The following AEBP2 variants were observed in gnomAD, a reference collection of about 807,000 sequenced individuals.
AEBP2 encodes the protein zinc finger protein AEBP2.
In AEBP2, 10 loss-of-function variants were observed where a neutral mutation model predicts 50.8. That is an observed-to-expected ratio of 0.20 (90% CI 0.12 to 0.33). The LOEUF is 0.33. Among genes scored for constraint, AEBP2 ranks in the 10% least tolerant of loss-of-function variants. The pLI, the probability that AEBP2 is intolerant of heterozygous loss-of-function variation, is 1.00. For missense variants in AEBP2, 570 were observed against 688.0 expected, an observed-to-expected ratio of 0.83 and a Z score of 1.92; for synonymous variants, 296 against 261.3, an observed-to-expected ratio of 1.13 and a Z score of -1.28.
Position 19,520,242 on chromosome 12 carries a change from A to G in AEBP2, c.*2125A>G, listed in dbSNP as rs1949377913. 6.6e-6 allele frequency: 1 copy of G among 152,248 alleles called. No individual in the cohort carries two copies. The highest frequency in any genetic ancestry group is 2.4e-5 in the African/African-American group (1 of 41,470). The allele number at this position is 152,248 out of a possible 1,614,324, so 9.4% of individuals were successfully genotyped here. A position where few individuals can be genotyped will look rare whatever the true frequency, so the allele number is the denominator to read the frequency against. ...AAATCACATTTAGCTTCAAATTGTA[A>G]CAATTCAATTGAATTTTAAAATGAC... On this transcript the variant is annotated 3_prime_UTR_variant, in exon 8 of 8. Coordinates refer to ENST00000266508, the MANE Select transcript of AEBP2 (RefSeq NM_153207.5).
At chr12:19,453,403 C>A (rs1948201643) in intron 1 of AEBP2, among the ~76,000 whole-genome samples, 1 of 151,412 alleles carries the variant, frequency 6.6e-6, no homozygotes, top group Admixed American at 6.6e-5. Flanking sequence ...TAGGCATGAA[C>A]CACTGTGCCT....
At chr12:19,496,496 A>T (rs1056278179) in intron 4 of AEBP2, among the ~76,000 whole-genome samples, 3 of 151,884 alleles carry the variant, frequency 2.0e-5, no homozygotes, top group Non-Finnish European at 2.9e-5. Flanking sequence ...GCTGCATTTC[A>T]CTCTTTCTTT....
chr12:19,516,804 ATCACTTGAGG>A, intron 7 of AEBP2, among the ~76,000 whole-genome samples: 1 of 152,240 alleles, frequency 6.6e-6, no homozygotes, highest in Non-Finnish European at 1.5e-5. Context: ...AGGTGGGTGG[ATCACTTGAGG>A]CCAGGAGTTT....
chr12:19,488,549 C>G (rs1948849060), intron 3 of AEBP2, among the ~76,000 whole-genome samples: 1 of 151,992 alleles, frequency 6.6e-6, no homozygotes, highest in Non-Finnish European at 1.5e-5. Flanking sequence ...ATCAACATTT[C>G]TTTTTGGAAT....
intron 3 of AEBP2, among the ~76,000 whole-genome samples, chr12:19,484,847 C>G (rs1023643254): frequency 6.6e-6 from 1 of 151,816 alleles, no homozygotes; most frequent in African/African-American, 2.4e-5. Flanking sequence ...AATCAATGGT[C>G]TAATTAATTT....
At chr12:19,431,020 A>AG (rs1175471488) in intron 1 of AEBP2, among the ~76,000 whole-genome samples, 2 of 151,704 alleles carry the variant, frequency 1.3e-5, no homozygotes, top group African/African-American at 4.8e-5. Context: ...TAAAAAAAAA[A>AG]AAAAGAAAAA....
intron 6 of AEBP2, among the ~76,000 whole-genome samples, chr12:19,512,717 T>G (rs780604054): frequency 6.6e-6 from 1 of 151,738 alleles, no homozygotes; most frequent in Non-Finnish European, 1.5e-5. Context: ...ATCCCAGCAC[T>G]TTGGGAGGCT....
At chr12:19,456,856 C>T in intron 1 of AEBP2, 4 of 1,521,248 alleles carry the variant, frequency 2.6e-6, no homozygotes, top group Non-Finnish European at 3.6e-6. Flanking sequence ...GGAACAGTAC[C>T]AATACCACCA....
chr12:19,408,683 C>T (rs550849918), intron 1 of AEBP2, among the ~76,000 whole-genome samples: 62 of 151,966 alleles, frequency 4.1e-4, no homozygotes, highest in African/African-American at 1.2e-3. Flanking sequence ...AGGTGGATCA[C>T]GAGGTCAGGA....
upstream of AEBP2, among the ~76,000 whole-genome samples, chr12:19,436,200 G>A (rs1461999783): frequency 1.3e-5 from 2 of 152,168 alleles, no homozygotes; most frequent in Non-Finnish European, 2.9e-5. Flanking sequence ...AGCATGCTAA[G>A]AGACAACTCC....
At chr12:19,427,678 TACAA>T (rs372621300) in intron 1 of AEBP2, among the ~76,000 whole-genome samples, 1 of 152,216 alleles carries the variant, frequency 6.6e-6, no homozygotes, top group African/African-American at 2.4e-5. Context: ...AAACCATACA[TACAA>T]ACATAGTATT....
Position 19,518,517 on chromosome 12 carries a change from C to G in AEBP2, c.*400C>G. On this transcript the variant is annotated 3_prime_UTR_variant, in exon 8 of 8. Coordinates refer to ENST00000266508, the MANE Select transcript of AEBP2 (RefSeq NM_153207.5). ...AAAACAATTACAACATGTGCCCTTACAAATACCAAAAGCACTGTAAGGATA... is the reference window on the plus strand; with the variant it reads ...AAAACAATTACAACATGTGCCCTTAGAAATACCAAAAGCACTGTAAGGATA... The G allele has an allele frequency of 8.0e-7, 1 of 1,256,022 alleles. No individual in the cohort carries two copies. The highest frequency in any genetic ancestry group is 1.0e-6 in the Non-Finnish European group (1 of 995,766). 77.8% of individuals were successfully genotyped at this position (1,256,022 alleles called of 1,614,324 possible).
At chr12:19,447,493 A>G (rs1948092485) in intron 1 of AEBP2, among the ~76,000 whole-genome samples, 1 of 152,174 alleles carries the variant, frequency 6.6e-6, no homozygotes, top group Non-Finnish European at 1.5e-5. Flanking sequence ...TTGAGGATTT[A>G]ATTTGAACAA....
intron 1 of AEBP2, among the ~76,000 whole-genome samples, chr12:19,432,669 G>A (rs932502484): frequency 6.6e-6 from 1 of 152,090 alleles, no homozygotes; most frequent in African/African-American, 2.4e-5. Context: ...ACTCCAGCCT[G>A]GGCAACAGAG....
chr12:19,405,948 T>C (rs1004092747), intron 1 of AEBP2, among the ~76,000 whole-genome samples: 5 of 148,486 alleles, frequency 3.4e-5, no homozygotes, highest in African/African-American at 1.2e-4. Flanking sequence ...ACTACAGATG[T>C]GCACCACCAT....
intron 3 of AEBP2, among the ~76,000 whole-genome samples, chr12:19,483,939 C>T (rs1365206909): frequency 6.6e-6 from 1 of 151,416 alleles, no homozygotes; most frequent in Non-Finnish European, 1.5e-5. Context: ...AATTGTCGTT[C>T]CCTAGAGCTA....
At chr12:19,465,670 T>G (rs1381926281) in intron 2 of AEBP2, among the ~76,000 whole-genome samples, 1 of 152,040 alleles carries the variant, frequency 6.6e-6, no homozygotes, top group East Asian at 1.9e-4. Flanking sequence ...GAGATTACAA[T>G]AGACTATGTG....
chr12:19,508,562 T>C (rs558751386), intron 5 of AEBP2, among the ~76,000 whole-genome samples: 32 of 152,362 alleles, frequency 2.1e-4, no homozygotes, highest in African/African-American at 6.7e-4. Context: ...TTTGACGTTA[T>C]TGTTTTGCCT....
chr12:19,443,431 T>C (rs1947999319), intron 1 of AEBP2, among the ~76,000 whole-genome samples: 2 of 151,334 alleles, frequency 1.3e-5, no homozygotes, highest in South Asian at 4.2e-4. Context: ...TTTAAAAAGA[T>C]AATTAGGCCG....
Sources: allele counts gnomAD v4.1 joint callset (sites outside exome capture counted in the v4.1 genomes callset), GRCh38; gene constraint gnomAD v4.1.1; transcripts MANE v1.5; gene names NCBI Gene and HGNC (gene_info 2026-07-23, HGNC 2026-07-21).